The following UGT1A7 variants were observed in gnomAD, a reference collection of about 807,000 sequenced individuals.
UGT1A7 encodes UDP glucuronosyltransferase family 1 member A7.
Under a neutral mutation model 45.6 loss-of-function variants are expected in UGT1A7, and 33 were observed. That is an observed-to-expected ratio of 0.72 (90% CI 0.55 to 0.97). UGT1A7 has a LOEUF of 0.97. Among genes scored for constraint, UGT1A7 ranks in the 50% least tolerant of loss-of-function variants. The pLI is 0.00. For missense variants in UGT1A7, 684 were observed against 666.2 expected (o/e 1.03, Z -0.29); for synonymous variants, 274 against 250.6 (o/e 1.09, Z -0.88).
chr2:233,756,911 G>T (rs1386201221), intron 1 of UGT1A7, among the ~76,000 whole-genome samples: 2 of 152,132 alleles, frequency 1.3e-5, no homozygotes, highest in Non-Finnish European at 2.9e-5. Flanking sequence ...ACAAACTTCT[G>T]AGTTTATATA....
intron 1 of UGT1A7, chr2:233,719,366 T>C (rs755765177): frequency 3.1e-6 from 5 of 1,613,968 alleles, no homozygotes; most frequent in South Asian, 1.1e-5. Flanking sequence ...ACTTAGACTT[T>C]AAGGGCACAC....
chr2:233,688,804 A>G (rs1322775404), intron 1 of UGT1A7, among the ~76,000 whole-genome samples: 1 of 152,176 alleles, frequency 6.6e-6, no homozygotes, highest in Non-Finnish European at 1.5e-5. Context: ...TTGATTAGCT[A>G]CAAACTGTGA....
intron 1 of UGT1A7, among the ~76,000 whole-genome samples, chr2:233,744,983 A>G (rs1224917598): frequency 1.3e-5 from 2 of 151,846 alleles, no homozygotes; most frequent in African/African-American, 4.9e-5. Flanking sequence ...GCCTCTAGTC[A>G]TCTCTTGATT....
At chr2:233,760,521 G>C (rs2125985351) in intron 1 of UGT1A7, 1 of 1,614,238 alleles carries the variant, frequency 6.2e-7, no homozygotes, top group East Asian at 2.2e-5. Flanking sequence ...CCTTGAAGAC[G>C]TACCCTGTGC....
Position 233,737,701 on chromosome 2 carries a change from G to A in UGT1A7, c.856-29333G>A, listed in dbSNP as rs28898624. On this transcript the variant is annotated intron_variant, in intron 1 of 4. Transcript: ENST00000373426. ...TTTGGCCATTGGTGCTGAAGCTTCC[G>A]TTCTCCTCTCCAACACCTCCTTTTT... 9.9e-3 allele frequency among the ~76,000 whole-genome samples: 1,506 copies of A among 152,128 alleles called. 21 individuals carry two copies. Among genetic ancestry groups the A allele is most frequent in the African/African-American group, 0.034 (1,429 of 41,486 alleles).
Position 233,682,088 on chromosome 2 carries a change from AG to A in UGT1A7, c.156del (p.His53MetfsTer5), listed in dbSNP as rs1304438877. 2 of 1,613,894 alleles carry A rather than the reference AG, an allele frequency of 1.2e-6. No homozygotes were observed. Among genetic ancestry groups the A allele is most frequent in the African/African-American group, 2.7e-5 (2 of 74,900 alleles). ...GTCGGTGGTGGAGAAACTCATCCTC[AG>A]GGGGCATGAGGTGGTCGTAGTCATG... The part of the protein sequence containing the change: ...MQSVVEKLIL[R>X]GHEVVVVMPE... On this transcript the variant is annotated frameshift_variant, in exon 1 of 5. Transcript: ENST00000373426. LOFTEE classifies it high-confidence loss of function.
chr2:233,700,832 A>C (rs2075591149), intron 1 of UGT1A7, among the ~76,000 whole-genome samples: 1 of 152,014 alleles, frequency 6.6e-6, no homozygotes, highest in Non-Finnish European at 1.5e-5. Flanking sequence ...TTAACTCGTC[A>C]TTTAGCATTA....
chr2:233,726,371 C>A (rs1294856696), intron 1 of UGT1A7, among the ~76,000 whole-genome samples: 2 of 152,074 alleles, frequency 1.3e-5, no homozygotes, highest in African/African-American at 4.8e-5. Flanking sequence ...ACAACAAAAA[C>A]CAAAATTGCT....
intron 1 of UGT1A7, chr2:233,743,378 C>T: frequency 3.4e-6 from 4 of 1,169,960 alleles, no homozygotes; most frequent in South Asian, 1.3e-5. Context: ...CCATCACTAC[C>T]GTAGGACATG....
At chr2:233,766,486 C>T (rs562758025) in intron 1 of UGT1A7, among the ~76,000 whole-genome samples, 29 of 152,240 alleles carry the variant, frequency 1.9e-4, no homozygotes, top group African/African-American at 6.5e-4. Flanking sequence ...ATGATGGGGG[C>T]GTGGCAGGCC....
At chr2:233,765,924 G>C (rs1285485148) in intron 1 of UGT1A7, among the ~76,000 whole-genome samples, 1 of 152,060 alleles carries the variant, frequency 6.6e-6, no homozygotes, top group East Asian at 1.9e-4. Context: ...GCATACAGAC[G>C]GGCAGGTTGT....
At chr2:233,736,597 C>G (rs1162489027) in intron 1 of UGT1A7, among the ~76,000 whole-genome samples, 1 of 152,166 alleles carries the variant, frequency 6.6e-6, no homozygotes, top group African/African-American at 2.4e-5. Flanking sequence ...TGCTTATGCG[C>G]TATGGTTTTT....
intron 1 of UGT1A7, chr2:233,693,564 A>T: frequency 6.2e-7 from 1 of 1,614,200 alleles, no homozygotes; most frequent in Non-Finnish European, 8.5e-7. Flanking sequence ...AGAAGCCCAG[A>T]CCCTGTGTCC....
chr2:233,751,108 A>G, intron 1 of UGT1A7, among the ~76,000 whole-genome samples: 1 of 151,960 alleles, frequency 6.6e-6, no homozygotes. Context: ...TTGCCCTGCA[A>G]GCCACAGTGT....
intron 1 of UGT1A7, among the ~76,000 whole-genome samples, chr2:233,687,918 A>C (rs557548232): frequency 3.3e-5 from 5 of 152,284 alleles, no homozygotes; most frequent in African/African-American, 1.2e-4. Flanking sequence ...AAAATAAATA[A>C]ATCAATAAAT....
At position 233,769,852 on chromosome 2, in the gene UGT1A7, T is replaced by C; in HGVS notation, c.1295+1413T>C. On this transcript the variant is annotated intron_variant, in intron 4 of 4. Coordinates refer to ENST00000373426, the MANE Select transcript of UGT1A7 (RefSeq NM_019077.3). The surrounding 1 kb of genome is among the most constrained non-coding windows in gnomAD (Gnocchi z 4.4). ...CAACCTGGGCAACAGAGTGAGACCC[T>C]GTCTCAAAAAAAAAAAAAAAAATGA... The C allele has an allele frequency of 2.2e-6, 1 of 461,208 alleles. No individual in the cohort carries two copies. Among genetic ancestry groups the C allele is most frequent in the South Asian group, 5.8e-5 (1 of 17,366 alleles). The allele number at this position is 461,208 out of a possible 1,614,324, so 28.6% of individuals were successfully genotyped here.
intron 1 of UGT1A7, among the ~76,000 whole-genome samples, chr2:233,711,879 A>G (rs2076201589): frequency 6.6e-6 from 1 of 152,226 alleles, no homozygotes; most frequent in Non-Finnish European, 1.5e-5. Context: ...TTTCTGGAGC[A>G]GGACGAGTCT....
chr2:233,719,875 G>A (rs1258647724), intron 1 of UGT1A7, among the ~76,000 whole-genome samples: 1 of 152,206 alleles, frequency 6.6e-6, no homozygotes, highest in Non-Finnish European at 1.5e-5. Context: ...AGGAAGAAGA[G>A]GCACGGATGA....
intron 1 of UGT1A7, among the ~76,000 whole-genome samples, chr2:233,733,397 G>C (rs1438211185): frequency 1.3e-5 from 2 of 152,194 alleles, no homozygotes; most frequent in Non-Finnish European, 2.9e-5. Flanking sequence ...AGTTTTCAAA[G>C]GGAATGCTTC....
Sources: gnomAD v4.1 joint callset for allele counts (sites outside exome capture counted in the v4.1 genomes callset) on GRCh38, gnomAD v4.1.1 for gene constraint, Gnocchi (gnomAD v3.1) non-coding constraint, MANE v1.5 for transcripts, NCBI Gene and HGNC (gene_info 2026-07-23, HGNC 2026-07-21) for gene names.